The following RYR2 variants were observed in gnomAD, a reference collection of about 807,000 sequenced individuals.
RYR2 encodes cardiac muscle ryanodine receptor-calcium release channel.
Under a neutral mutation model 601.1 loss-of-function variants are expected in RYR2, and 227 were observed. The observed-to-expected ratio is 0.38, with a 90% CI of 0.34 to 0.42. The LOEUF is 0.42. RYR2 is among the 10% of genes least tolerant of loss of function. The pLI is 1.00. For missense variants in RYR2, 4,646 were observed against 6,156.5 expected (o/e 0.75, Z 8.21); for synonymous variants, 2,223 against 2,175.1 (o/e 1.02, Z -0.61).
intron 1 of RYR2, among the ~76,000 whole-genome samples, chr1:237,250,648 C>T (rs1687365411): frequency 6.6e-6 from 1 of 152,122 alleles, no homozygotes; most frequent in South Asian, 2.1e-4. Context: ...TGGAAGAGAA[C>T]TTATACATCC....
Position 237,832,862 on chromosome 1 carries a change from T to A in RYR2, c.*215T>A. The A allele has an allele frequency of 2.4e-6, 1 of 421,862 alleles. No homozygotes were observed. The highest frequency in any genetic ancestry group is 4.3e-6 in the Non-Finnish European group (1 of 234,292). 26.1% of individuals were successfully genotyped at this position (421,862 alleles called of 1,614,324 possible). On this transcript the variant is annotated 3_prime_UTR_variant, in exon 105 of 105. Transcript: ENST00000366574. ...AAGACTGAAGAATAATCTAAATTCATACTCAGACAAAAAAAGGAATTCTGG... is the reference window on the plus strand; with the variant it reads ...AAGACTGAAGAATAATCTAAATTCAAACTCAGACAAAAAAAGGAATTCTGG...
chr1:237,642,305 G>T (rs528511764), intron 47 of RYR2, among the ~76,000 whole-genome samples: 1 of 152,156 alleles, frequency 6.6e-6, no homozygotes, highest in East Asian at 1.9e-4. Context: ...ATGTTAGAAT[G>T]TTAGAAAACT....
intron 14 of RYR2, among the ~76,000 whole-genome samples, chr1:237,451,768 C>A (rs7521183): frequency 0.52 from 79,277 of 151,782 alleles, 22,122 homozygotes; most frequent in East Asian, 0.74. Context: ...ACAATATTTT[C>A]ACCCATGTAT....
chr1:237,508,272 C>A (rs1409768078), intron 23 of RYR2, among the ~76,000 whole-genome samples: 1 of 151,940 alleles, frequency 6.6e-6, no homozygotes, highest in Non-Finnish European at 1.5e-5. Flanking sequence ...CTCATCAATT[C>A]TTAAAATTGA....
intron 1 of RYR2, among the ~76,000 whole-genome samples, chr1:237,265,365 A>G (rs1010558253): frequency 1.3e-5 from 2 of 152,032 alleles, no homozygotes; most frequent in Non-Finnish European, 2.9e-5. Flanking sequence ...TCAGTTGCCC[A>G]AGCTGGAGCA....
rs1678546772 is a variant in RYR2, at chr1:237,180,240, G to A, written c.49-90257G>A. Among the ~76,000 whole-genome samples, 1 of 151,014 alleles carries A rather than the reference G, an allele frequency of 6.6e-6. No homozygotes were observed. The highest frequency in any genetic ancestry group is 1.5e-5 in the Non-Finnish European group (1 of 68,002). ...GGGGCTGGCTAGAGGACAGACAGGG[G>A]TGAGCACAGCTCAGGTGAGGAATGA... On this transcript the variant is annotated intron_variant, in intron 1 of 104. Transcript: ENST00000366574. This position sits in a 1 kb window ranked among gnomAD's most constrained non-coding sequence, Gnocchi z 5.3.
intron 10 of RYR2, among the ~76,000 whole-genome samples, chr1:237,392,426 T>G (rs1702462929): frequency 6.6e-6 from 1 of 151,668 alleles, no homozygotes; most frequent in East Asian, 1.9e-4. Flanking sequence ...AGGCATCTCA[T>G]GTACCCCATA....
At chr1:237,548,736 A>C in intron 26 of RYR2, 146 bp downstream of exon 26, 1 of 1,009,196 alleles carries the variant, frequency 9.9e-7, no homozygotes, top group Non-Finnish European at 1.4e-6. Flanking sequence ...CAGCTGTTTA[A>C]TGCTAGACTC....
intron 4 of RYR2, among the ~76,000 whole-genome samples, chr1:237,363,959 G>A (rs1699993808): frequency 6.6e-6 from 1 of 152,060 alleles, no homozygotes; most frequent in South Asian, 2.1e-4. Flanking sequence ...AAATGAGTTG[G>A]GTTGCTGTTT....
intron 19 of RYR2, among the ~76,000 whole-genome samples, chr1:237,494,422 G>A (rs1306778131): frequency 6.6e-6 from 1 of 152,180 alleles, no homozygotes; most frequent in African/African-American, 2.4e-5. Context: ...TAGTCTTTCT[G>A]CGTCCCTCTG....
At chr1:237,830,959 C>A (rs962763277) in intron 103 of RYR2, among the ~76,000 whole-genome samples, 12 of 152,112 alleles carry the variant, frequency 7.9e-5, no homozygotes, top group African/African-American at 2.9e-4. Context: ...ATGCGAGTCT[C>A]CGTTTTTCTT....
intron 2 of RYR2, among the ~76,000 whole-genome samples, chr1:237,298,696 T>C (rs182408026): frequency 6.6e-6 from 1 of 152,014 alleles, no homozygotes; most frequent in East Asian, 1.9e-4. Flanking sequence ...GACAGAAAAA[T>C]ATATTTTTTT....
intron 63 of RYR2, among the ~76,000 whole-genome samples, chr1:237,688,529 A>G (rs939066491): frequency 2.6e-5 from 4 of 152,148 alleles, no homozygotes; most frequent in African/African-American, 9.7e-5. Flanking sequence ...TTCTAGTATT[A>G]TATCCAAGAT....
chr1:237,733,521 TC>T (rs1278467001), intron 78 of RYR2, among the ~76,000 whole-genome samples, 183 bp from the exon 79 acceptor site: 1 of 152,228 alleles, frequency 6.6e-6, no homozygotes, highest in Non-Finnish European at 1.5e-5. Context: ...ATCCCCGGGA[TC>T]TTTGCTTTCT....
chr1:237,060,897 C>T (rs960884591), intron 1 of RYR2, among the ~76,000 whole-genome samples: 2 of 152,136 alleles, frequency 1.3e-5, no homozygotes, highest in African/African-American at 4.8e-5. Flanking sequence ...GGTATGTATA[C>T]ATTTCTGCTG....
intron 1 of RYR2, among the ~76,000 whole-genome samples, chr1:237,108,280 G>A (rs1400071915): frequency 1.3e-5 from 2 of 152,140 alleles, no homozygotes; most frequent in African/African-American, 2.4e-5. Flanking sequence ...GATCGGAGGG[G>A]CCCAGTATAT....
intron 55 of RYR2, 86 bp downstream of exon 55, chr1:237,660,160 G>A (rs190490240): frequency 4.4e-6 from 3 of 678,928 alleles, no homozygotes; most frequent in Admixed American, 8.1e-5. Context: ...ATATTAAAAT[G>A]TCTTCTTTAT....
intron 100 of RYR2, among the ~76,000 whole-genome samples, chr1:237,817,142 G>A (rs767655027): frequency 5.3e-5 from 8 of 152,036 alleles, no homozygotes; most frequent in Admixed American, 5.2e-4. Context: ...ACAACCATAC[G>A]ACCCTGAATG....
At chr1:237,731,948 A>C (rs1282605905) in intron 77 of RYR2, 98 bp from the exon 78 acceptor site, 5 of 686,546 alleles carry the variant, frequency 7.3e-6, no homozygotes, top group East Asian at 2.7e-5. Context: ...GAACGTTCGC[A>C]TTCCTTTTAT....
Sources: gnomAD v4.1 joint callset for allele counts (sites outside exome capture counted in the v4.1 genomes callset) on GRCh38, gnomAD v4.1.1 for gene constraint, Gnocchi (gnomAD v3.1) non-coding constraint, MANE v1.5 for transcripts, NCBI Gene and HGNC (gene_info 2026-07-23, HGNC 2026-07-21) for gene names.